FRMPD4: variants seen among roughly 807,000 people sequenced by gnomAD.
The protein encoded by FRMPD4 is FERM and PDZ domain containing 4.
FRMPD4 carries 22 observed loss-of-function variants against 94.1 expected under a neutral mutation model. The observed-to-expected ratio is 0.23, with a 90% CI of 0.17 to 0.33. FRMPD4 has a LOEUF of 0.33. Among genes scored for constraint, FRMPD4 ranks in the 10% least tolerant of loss-of-function variants. The pLI, the probability that FRMPD4 is intolerant of heterozygous loss-of-function variation, is 1.00. For synonymous variants in FRMPD4, 631 were observed against 548.6 expected, an observed-to-expected ratio of 1.15 and a Z score of -2.10; for missense variants, 1,111 against 1,339.9, an observed-to-expected ratio of 0.83 and a Z score of 2.67.
At chrX:12,286,867 C>T (rs183761946) in intron 1 of FRMPD4, among the ~76,000 whole-genome samples, 72 of 111,209 alleles carry the variant, frequency 6.5e-4, no homozygotes, top group African/African-American at 1.5e-3. Flanking sequence ...AAAGTGATAA[C>T]GCTCTTTGGC....
chrX:12,310,568 T>C (rs920913879), intron 1 of FRMPD4, among the ~76,000 whole-genome samples: 3 of 112,054 alleles, frequency 2.7e-5, no homozygotes, highest in Non-Finnish European at 5.6e-5. Flanking sequence ...ATCAGTAGTT[T>C]TTCTTGAGGT....
Position 12,544,254 on chromosome X carries a change from G to GA in FRMPD4, c.158+45466dup, listed in dbSNP as rs776246346. Among the ~76,000 whole-genome samples, 759 of 109,674 alleles carry GA rather than the reference G, an allele frequency of 6.9e-3. 1 individual carries two copies. The highest frequency in any genetic ancestry group is 0.011 in the Non-Finnish European group (562 of 52,454). Reference sequence around the variant, plus strand: ...GTATAAAAACAAAATTTTTGAGAGAGAAAAAAAATTATGGTGCAACAAAAC... The same window carrying GA: ...GTATAAAAACAAAATTTTTGAGAGAGAAAAAAAAATTATGGTGCAACAAAAC... On this transcript the variant is annotated intron_variant, in intron 2 of 16. Transcript: ENST00000675598.
At chrX:11,926,103 T>A (rs2054086153) in intron 3 of FRMPD4, among the ~76,000 whole-genome samples, 1 of 109,987 alleles carries the variant, frequency 9.1e-6, no homozygotes, top group Non-Finnish European at 1.9e-5. Flanking sequence ...GAGAATAATA[T>A]GAACACTTCC....
At chrX:12,671,188 A>G (rs180746125) in intron 4 of FRMPD4, among the ~76,000 whole-genome samples, 1,968 of 111,859 alleles carry the variant, frequency 0.018, 25 homozygotes, top group Middle Eastern at 0.028. Flanking sequence ...TGATTCCTCA[A>G]GGGTCAGAAC....
At chrX:12,016,982 G>T (rs754824313) in intron 3 of FRMPD4, among the ~76,000 whole-genome samples, 1 of 112,176 alleles carries the variant, frequency 8.9e-6, no homozygotes, top group Non-Finnish European at 1.9e-5. Flanking sequence ...CTAGGCTGTT[G>T]TGTGCCTTAG....
intron 13 of FRMPD4, among the ~76,000 whole-genome samples, chrX:12,709,652 A>T (rs1056471599): frequency 9.0e-6 from 1 of 111,689 alleles, no homozygotes; most frequent in African/African-American, 3.3e-5. Context: ...ACTAATTTAC[A>T]CCGTGAACCC....
intron 1 of FRMPD4, among the ~76,000 whole-genome samples, chrX:12,372,047 T>C (rs1194753755): frequency 3.6e-5 from 4 of 112,409 alleles, no homozygotes; most frequent in African/African-American, 1.3e-4. Context: ...TGAATACATG[T>C]AGAATGGTAG....
chrX:12,236,557 A>G (rs2057073007), intron 1 of FRMPD4, among the ~76,000 whole-genome samples: 1 of 112,068 alleles, frequency 8.9e-6, no homozygotes, highest in Non-Finnish European at 1.9e-5. Context: ...ATATAAAGGA[A>G]AAATAAAGGA....
intron 2 of FRMPD4, among the ~76,000 whole-genome samples, chrX:12,577,329 G>A (rs764667612): frequency 1.1e-4 from 12 of 111,548 alleles, no homozygotes; most frequent in African/African-American, 3.3e-4. Flanking sequence ...TAGGAAGAAA[G>A]TGAGGGGGGA....
chrX:12,379,867 C>T (rs1158601314), intron 1 of FRMPD4, among the ~76,000 whole-genome samples: 1 of 111,411 alleles, frequency 9.0e-6, no homozygotes, highest in East Asian at 2.8e-4. Context: ...CTGGTGATTA[C>T]TCAAGGATTC....
At chrX:12,193,771 A>AAAGAAAGAAAGG (rs1555932581) in intron 1 of FRMPD4, among the ~76,000 whole-genome samples, 6 of 17,288 alleles carry the variant, frequency 3.5e-4, no homozygotes, top group Non-Finnish European at 5.2e-4. Context: ...AGAAAGAAAG[A>AAAGAAAGAAAGG]AAGGAAGGAA....
At chrX:12,281,698 AG>A (rs2054529261) in intron 1 of FRMPD4, among the ~76,000 whole-genome samples, 1 of 112,072 alleles carries the variant, frequency 8.9e-6, no homozygotes, top group Non-Finnish European at 1.9e-5. Flanking sequence ...TATATTTTCC[AG>A]CCTAGCAAAC....
chrX:11,985,215 A>G (rs2054421836), intron 3 of FRMPD4, among the ~76,000 whole-genome samples: 1 of 112,084 alleles, frequency 8.9e-6, no homozygotes, highest in African/African-American at 3.2e-5. Context: ...GCTCAGCCAT[A>G]GTAGGATAGG....
chrX:12,412,297 A>G (rs1419173377), intron 1 of FRMPD4, among the ~76,000 whole-genome samples: 1 of 112,135 alleles, frequency 8.9e-6, no homozygotes, highest in Admixed American at 9.4e-5. Context: ...TGTCTGAATT[A>G]TCTTACACAA....
At chrX:12,176,897 C>T (rs750209123) in intron 1 of FRMPD4, among the ~76,000 whole-genome samples, 4 of 111,220 alleles carry the variant, frequency 3.6e-5, no homozygotes, top group Admixed American at 9.6e-5. Context: ...CTCAGATCCT[C>T]GGGGAGAAAA....
At chrX:12,405,221 G>C (rs2056653686) in intron 1 of FRMPD4, among the ~76,000 whole-genome samples, 1 of 111,349 alleles carries the variant, frequency 9.0e-6, no homozygotes, top group Non-Finnish European at 1.9e-5. Flanking sequence ...AAGGTAGATA[G>C]GCATGTGAAC....
chrX:11,833,740 T>C, intron 1 of FRMPD4, among the ~76,000 whole-genome samples: 1 of 111,980 alleles, frequency 8.9e-6, no homozygotes, highest in East Asian at 2.8e-4. Context: ...TCTATTTCCT[T>C]CCCTGCATTT....
intron 1 of FRMPD4, among the ~76,000 whole-genome samples, chrX:12,309,007 A>G: frequency 8.9e-6 from 1 of 112,626 alleles, no homozygotes; most frequent in Non-Finnish European, 1.9e-5. Context: ...GATTTCTTCT[A>G]GAGTAAACTT....
At chrX:12,553,434 C>A (rs758602893) in intron 2 of FRMPD4, among the ~76,000 whole-genome samples, 779 of 39,345 alleles carry the variant, frequency 0.02, 11 homozygotes, top group Non-Finnish European at 0.03. Flanking sequence ...ATCCATATGC[C>A]TATATATATA....
Sources: gnomAD v4.1 joint callset for allele counts (sites outside exome capture counted in the v4.1 genomes callset) on GRCh38, gnomAD v4.1.1 for gene constraint, MANE v1.5 for transcripts, NCBI Gene and HGNC (gene_info 2026-07-23, HGNC 2026-07-21) for gene names.